Variants in RARB observed in about 807,000 individuals in gnomAD.
The protein encoded by RARB is HBV-activated protein.
A neutral mutation model predicts 51.9 loss-of-function variants in RARB; 17 were observed. The ratio of observed to expected loss-of-function variants is 0.33; its 90% CI spans 0.22 to 0.49. RARB has a LOEUF of 0.49. Ranked by LOEUF, RARB falls within the 20% of genes least tolerant of loss-of-function variation. The probability of loss-of-function intolerance (pLI) is 0.99; values close to 1 mark genes in which losing one functional copy is unlikely to be tolerated. For synonymous variants in RARB, 215 were observed against 195.4 expected (o/e 1.10, Z -0.84); for missense variants, 369 against 550.8 (o/e 0.67, Z 3.30).
At chr3:24,943,452 C>T (rs989357077) in intron 2 of RARB, among the ~76,000 whole-genome samples, 1 of 152,184 alleles carries the variant, frequency 6.6e-6, no homozygotes, top group Non-Finnish European at 1.5e-5. Context: ...GATTCCAAAT[C>T]TCCAATGTTG....
chr3:25,547,948 G>GT (rs1443235749), intron 3 of RARB, among the ~76,000 whole-genome samples: 2 of 152,036 alleles, frequency 1.3e-5, no homozygotes, highest in East Asian at 3.9e-4. Context: ...CCTCATTTCT[G>GT]TTGGAAGTAA....
intron 5 of RARB, among the ~76,000 whole-genome samples, chr3:25,343,024 T>TGTG (rs1705278428): frequency 7.6e-6 from 1 of 132,058 alleles, no homozygotes; most frequent in African/African-American, 3.0e-5. Context: ...TGCAAGTACT[T>TGTG]TGTGTGTGTG....
At chr3:25,044,913 A>G (rs1164271288) in intron 2 of RARB, among the ~76,000 whole-genome samples, 8 of 152,182 alleles carry the variant, frequency 5.3e-5, no homozygotes, top group Non-Finnish European at 1.0e-4. Context: ...TTCTCAGTGA[A>G]TGCCCTGTTT....
At chr3:25,555,827 G>C (rs946683555) in intron 3 of RARB, among the ~76,000 whole-genome samples, 16 of 152,246 alleles carry the variant, frequency 1.1e-4, no homozygotes, top group Admixed American at 9.2e-4. Flanking sequence ...TCTCCACCAA[G>C]GGCTGGAGGC....
chr3:24,922,382 A>C (rs1695234051), intron 2 of RARB, among the ~76,000 whole-genome samples: 1 of 152,198 alleles, frequency 6.6e-6, no homozygotes, highest in African/African-American at 2.4e-5. Flanking sequence ...AGAATAATGA[A>C]AGCTAATGTG....
intron 3 of RARB, among the ~76,000 whole-genome samples, chr3:25,098,772 C>T (rs535050060): frequency 1.3e-5 from 2 of 152,098 alleles, no homozygotes; most frequent in Non-Finnish European, 2.9e-5. Flanking sequence ...TTACTGACCC[C>T]GATCCTAAAT....
In RARB at chr3:25,035,125, TTTTG is replaced by T. The variant is rs1377568571; in HGVS notation, c.-379-24993_-379-24990del. 8.5e-5 allele frequency among the ~76,000 whole-genome samples: 13 copies of T among 152,306 alleles called. 1 individual carries two copies. In the East Asian group the frequency reaches 2.5e-3, roughly 29 times the overall value. ...ATGTCAGGTACTGTTAACTGCATTT[TTTTG>T]TTTGTTATTTGAGACAGGGTCTTAC... On this transcript the variant is annotated intron_variant, in intron 2 of 11. Coordinates refer to the RARB transcript ENST00000383772.
chr3:25,527,271 C>T (rs1169893572), intron 3 of RARB, among the ~76,000 whole-genome samples: 1 of 152,208 alleles, frequency 6.6e-6, no homozygotes, highest in Non-Finnish European at 1.5e-5. Context: ...ATATTTGCAG[C>T]TCTGCAGGCA....
chr3:25,519,476 G>A (rs1255165921), intron 3 of RARB, among the ~76,000 whole-genome samples: 1 of 152,124 alleles, frequency 6.6e-6, no homozygotes, highest in Non-Finnish European at 1.5e-5. Flanking sequence ...GTCTGAAGTG[G>A]TAGCTCATTG....
intron 4 of RARB, among the ~76,000 whole-genome samples, chr3:25,167,181 T>G (rs1245152086): frequency 6.6e-6 from 1 of 152,214 alleles, no homozygotes; most frequent in East Asian, 1.9e-4. Flanking sequence ...GGTTAAGGAA[T>G]CATCCAGTGT....
chr3:24,960,721 G>C (rs150895836), intron 2 of RARB, among the ~76,000 whole-genome samples: 2 of 151,636 alleles, frequency 1.3e-5, no homozygotes, highest in East Asian at 3.9e-4. Flanking sequence ...TGTAAAGGAA[G>C]AGAAAATTGT....
chr3:25,344,658 C>T (rs75225035), intron 5 of RARB, among the ~76,000 whole-genome samples: 6,369 of 152,270 alleles, frequency 0.042, 167 homozygotes, highest in Middle Eastern at 0.061. Flanking sequence ...CACAGCTTGG[C>T]AAGCTCCTCA....
intron 3 of RARB, among the ~76,000 whole-genome samples, chr3:25,061,944 A>G (rs968319207): frequency 6.6e-6 from 1 of 151,876 alleles, no homozygotes; most frequent in Non-Finnish European, 1.5e-5. Flanking sequence ...TCAGTAGAAC[A>G]GCACATCTGG....
At chr3:25,076,913 C>T (rs1442484250) in intron 3 of RARB, among the ~76,000 whole-genome samples, 1 of 152,168 alleles carries the variant, frequency 6.6e-6, no homozygotes, top group Non-Finnish European at 1.5e-5. Context: ...ATTTCTAGGA[C>T]AAATCTGGTC....
In RARB at chr3:25,007,592, C is replaced by CAAAAAAAAAAAAAAAAAAAAAAAAAAA. The variant is rs759589176; in HGVS notation, c.-379-52521_-379-52520insAAAAAAAAAAAAAAAAAAAAAAAAAAA. On this transcript the variant is annotated intron_variant, in intron 2 of 11. Transcript: ENST00000383772. ...CCTGGGCAACAGAGTGAGACTGTCT[C>CAAAAAAAAAAAAAAAAAAAAAAAAAAA]AAAAAAAAAAAACAAAAAAACCTCA... Among the ~76,000 whole-genome samples, 106 of 45,276 alleles carry CAAAAAAAAAAAAAAAAAAAAAAAAAAA rather than the reference C, an allele frequency of 2.3e-3. 10 individuals carry two copies. Among genetic ancestry groups the CAAAAAAAAAAAAAAAAAAAAAAAAAAA allele is most frequent in the East Asian group, 6.0e-3 (6 of 1,000 alleles). 29.7% of individuals were successfully genotyped at this position (45,276 alleles called of 152,430 possible).
chr3:24,994,059 T>C (rs1696971119), intron 2 of RARB, among the ~76,000 whole-genome samples: 1 of 152,170 alleles, frequency 6.6e-6, no homozygotes, highest in African/African-American at 2.4e-5. Context: ...GTTCTATTTG[T>C]AGTTTATTGA....
At chr3:25,341,954 A>T (rs1705240328) in intron 5 of RARB, among the ~76,000 whole-genome samples, 1 of 152,222 alleles carries the variant, frequency 6.6e-6, no homozygotes, top group Non-Finnish European at 1.5e-5. Context: ...ATAATTAAAT[A>T]CATTGTATCT....
chr3:25,450,477 A>C (rs6793694), intron 1 of RARB, among the ~76,000 whole-genome samples: 1 of 151,932 alleles, frequency 6.6e-6, no homozygotes. Context: ...TACCATCTGC[A>C]TTGTAGGACT....
intron 5 of RARB, among the ~76,000 whole-genome samples, chr3:25,174,845 TAATATCTGTGATC>T (rs1389877609): frequency 6.6e-6 from 1 of 152,252 alleles, no homozygotes; most frequent in African/African-American, 2.4e-5. Flanking sequence ...CATGTGTGGT[TAATATCTGTGATC>T]AATATCTAAA....
Sources: gnomAD v4.1 joint callset for allele counts (sites outside exome capture counted in the v4.1 genomes callset) on GRCh38, gnomAD v4.1.1 for gene constraint, MANE v1.5 for transcripts, NCBI Gene and HGNC (gene_info 2026-07-23, HGNC 2026-07-21) for gene names.